LCP2: variants seen among roughly 807,000 people sequenced by gnomAD.
LCP2 encodes 76 kDa tyrosine phosphoprotein.
A neutral mutation model predicts 74.5 loss-of-function variants in LCP2; 29 were observed. The ratio of observed to expected loss-of-function variants is 0.39; its 90% CI spans 0.29 to 0.53. LCP2 has a LOEUF of 0.53. Among genes scored for constraint, LCP2 ranks in the 20% least tolerant of loss-of-function variants. The pLI, the probability that LCP2 is intolerant of heterozygous loss-of-function variation, is 0.72. For missense variants in LCP2, 604 were observed against 634.6 expected, an observed-to-expected ratio of 0.95 and a Z score of 0.52; for synonymous variants, 228 against 229.5, an observed-to-expected ratio of 0.99 and a Z score of 0.06.
chr5:170,271,045 T>A, intron 6 of LCP2, 128 bp from the exon 7 acceptor site: 1 of 736,386 alleles, frequency 1.4e-6, no homozygotes, highest in Non-Finnish European at 2.1e-6. Flanking sequence ...TGAAGATGGT[T>A]ACTCCCATTT....
intron 15 of LCP2, 123 bp downstream of exon 15, chr5:170,258,743 A>G (rs1459899235): frequency 6.3e-6 from 4 of 634,348 alleles, no homozygotes; most frequent in Admixed American, 3.0e-5. Context: ...AGTCTACTTA[A>G]TACTAATTTA....
At chr5:170,262,565 A>G (rs528550306) in intron 13 of LCP2, 70 bp downstream of exon 13, 2 of 1,180,344 alleles carry the variant, frequency 1.7e-6, no homozygotes, top group African/African-American at 1.5e-5. Context: ...TTCCCACTGC[A>G]GAGTCAGCAC....
rs915772833 is a variant in LCP2, at chr5:170,297,765, G to A, written c.-154C>T. On this transcript the variant is annotated 5_prime_UTR_variant, in exon 1 of 21. In the 5' UTR this introduces an upstream ATG that the reference lacks. Coordinates refer to ENST00000046794, the MANE Select transcript of LCP2 (RefSeq NM_005565.5). ...TGTTGGAGCCGATGTCTTTTCTGGC[G>A]TAGCCAGATCCCAGAAAGCAACGGC... 2.8e-5 allele frequency: 15 copies of A among 526,464 alleles called. No individual in the cohort carries two copies. The highest frequency in any genetic ancestry group is 2.1e-4 in the South Asian group (7 of 32,932). The allele number at this position is 526,464 out of a possible 1,614,324, so 32.6% of individuals were successfully genotyped here. A position where few individuals can be genotyped will look rare whatever the true frequency, so the allele number is the denominator to read the frequency against.
rs551836593 is a variant in LCP2, at chr5:170,252,408, T to G, written c.1323+26A>C. ...TCTCTGCCATTAATATTTACAACTA[T>G]GTTAAAATAAACTATAGCACAATAC... On this transcript the variant is annotated intron_variant, in intron 19 of 20. Transcript: ENST00000046794. 3.8e-6 allele frequency: 5 copies of G among 1,331,378 alleles called. No homozygotes were observed. The African/African-American group carries it at 7.2e-5, about 19-fold the overall frequency. The allele number at this position is 1,331,378 out of a possible 1,614,324, so 82.5% of individuals were successfully genotyped here.
intron 17 of LCP2, among the ~76,000 whole-genome samples, chr5:170,255,995 C>A (rs1462650774): frequency 2.0e-5 from 3 of 152,190 alleles, no homozygotes; most frequent in Non-Finnish European, 2.9e-5. Flanking sequence ...AACATGCTCC[C>A]CAACTCACAA....
Position 170,253,748 on chromosome 5 carries a change from C to T in LCP2, c.1151-535G>A, listed in dbSNP as rs767618480. On this transcript the variant is annotated intron_variant, in intron 17 of 20. Transcript: ENST00000046794. The stretch of plus-strand genomic sequence containing the variant: ...TGCTAGCTTTTAGAATCAAAGTTGG[C>T]TACCCGCTGTTCTAACTAAACAGGT... Among the ~76,000 whole-genome samples the T allele has an allele frequency of 1.1e-4, 16 of 152,186 alleles. 1 individual carries two copies. Among genetic ancestry groups the T allele is most frequent in the South Asian group, 4.1e-4 (2 of 4,832 alleles).
Position 170,275,860 on chromosome 5 carries a change from C to T in LCP2, c.189G>A (p.Pro63=). The T allele has an allele frequency of 6.4e-7, 1 of 1,567,024 alleles. No homozygotes were observed. The part of the protein sequence containing the change: ...DIQKFPKLRV[P]ILSKLSQEIN... ...TTTCCTGACTTAACTTACTGAGAAT[C>T]CTGCAAGATAAAGAGACAGATGAAG... is the stretch of plus-strand genomic sequence containing the variant. Residue 63 remains proline (P), a splice_region_variant and synonymous_variant, in exon 4 of 21, where the codon CCG becomes CCA. Coordinates refer to ENST00000046794, the MANE Select transcript of LCP2 (RefSeq NM_005565.5).
At chr5:170,274,976 C>CAAAA (rs57336424) in intron 5 of LCP2, among the ~76,000 whole-genome samples, 1 of 65,550 alleles carries the variant, frequency 1.5e-5, no homozygotes, top group Admixed American at 1.8e-4. Context: ...GACTCTGTCT[C>CAAAA]AAAAAAAAAA....
intron 2 of LCP2, among the ~76,000 whole-genome samples, chr5:170,290,584 C>T (rs1762271746): frequency 6.6e-6 from 1 of 152,176 alleles, no homozygotes; most frequent in Non-Finnish European, 1.5e-5. Context: ...CCCTGCCTGC[C>T]ATGGAGATAT....
chr5:170,258,977 C>T, intron 14 of LCP2, 99 bp from the exon 15 acceptor site: 1 of 769,350 alleles, frequency 1.3e-6, no homozygotes, highest in South Asian at 1.6e-5. Context: ...AAATAGGTAT[C>T]TGTTTCTTTC....
Position 170,248,833 on chromosome 5 carries a change from G to A in LCP2, c.1480-14C>T. The A allele has an allele frequency of 6.2e-7, 1 of 1,611,094 alleles. No homozygotes were observed. The highest frequency in any genetic ancestry group is 8.5e-7 in the Non-Finnish European group (1 of 1,178,274). Reference sequence around the variant, plus strand: ...AGACAGAAAGTCCTGAAAGAGTCAAGATAGGGAGATGAGTCAACATTGGAA... The same window carrying A: ...AGACAGAAAGTCCTGAAAGAGTCAAAATAGGGAGATGAGTCAACATTGGAA... On this transcript the variant is annotated splice_polypyrimidine_tract_variant and intron_variant, in intron 20 of 20. Transcript: ENST00000046794.
At chr5:170,271,516 A>G (rs1761897163) in intron 6 of LCP2, among the ~76,000 whole-genome samples, 1 of 152,172 alleles carries the variant, frequency 6.6e-6, no homozygotes. Context: ...TCCATTATTC[A>G]TGAAATCTGA....
rs915293229 is a variant in LCP2 at position 170,256,082 on chromosome 5, C to T, written c.1150+444G>A. ...GATTCTGAGGATTCCGTAGGGAAAC[C>T]GGAGCTGGAGGAATAGTTCTGCACA... On this transcript the variant is annotated intron_variant, in intron 17 of 20. Transcript: ENST00000046794. This position sits in a 1 kb window ranked among gnomAD's most constrained non-coding sequence, Gnocchi z 4.5. Among the ~76,000 whole-genome samples, 2 of 152,120 alleles carry T rather than the reference C, an allele frequency of 1.3e-5. No individual in the cohort carries two copies. Among genetic ancestry groups the T allele is most frequent in the East Asian group, 3.8e-4 (2 of 5,206 alleles).
chr5:170,273,838 C>T (rs1186826147), intron 6 of LCP2: 2 of 157,602 alleles, frequency 1.3e-5, no homozygotes, highest in African/African-American at 4.8e-5. Context: ...AAGTTCTTTT[C>T]CCTCCGTGTC....
chr5:170,275,620 G>T, intron 4 of LCP2, 175 bp downstream of exon 4: 3 of 657,286 alleles, frequency 4.6e-6, no homozygotes, highest in Non-Finnish European at 7.9e-6. Flanking sequence ...CCAGGGACAG[G>T]ATGCAGAGCA....
At chr5:170,251,565 C>T (rs1200353277) in intron 19 of LCP2, 2 of 448,236 alleles carry the variant, frequency 4.5e-6, no homozygotes, top group Non-Finnish European at 9.0e-6. Flanking sequence ...TAAACTACTC[C>T]CTTCTCCTCA....
chr5:170,262,519 A>G, intron 13 of LCP2, 116 bp downstream of exon 13: 2 of 691,172 alleles, frequency 2.9e-6, no homozygotes, highest in Non-Finnish European at 4.9e-6. Context: ...CAGCAAGAAA[A>G]GGCCCACCCT....
chr5:170,284,045 T>C (rs1464457907), intron 3 of LCP2, among the ~76,000 whole-genome samples: 49 of 152,246 alleles, frequency 3.2e-4, no homozygotes, highest in Non-Finnish European at 4.4e-5. Flanking sequence ...TTCTGTCCCA[T>C]GTCTTTGCAG....
intron 18 of LCP2, 101 bp from the exon 19 acceptor site, chr5:170,252,612 A>G (rs2113151098): frequency 1.6e-6 from 1 of 630,250 alleles, no homozygotes; most frequent in Non-Finnish European, 2.8e-6. Flanking sequence ...CAACACCTCA[A>G]TTCCAGGAGG....
Sources: gnomAD v4.1 joint callset for allele counts (sites outside exome capture counted in the v4.1 genomes callset) on GRCh38, gnomAD v4.1.1 for gene constraint, Gnocchi (gnomAD v3.1) non-coding constraint, MANE v1.5 for transcripts, NCBI Gene and HGNC (gene_info 2026-07-23, HGNC 2026-07-21) for gene names.